Variants in LRMDA observed in about 807,000 individuals in gnomAD.
The protein encoded by LRMDA is leucine rich melanocyte differentiation associated, also known as leucine-rich melanocyte differentiation-associated protein.
In LRMDA, 18 loss-of-function variants were observed where a neutral mutation model predicts 29.8. The ratio of observed to expected loss-of-function variants is 0.60; its 90% CI spans 0.42 to 0.90. The LOEUF is 0.90. Ranked by LOEUF, LRMDA falls within the 40% of genes least tolerant of loss-of-function variation. LRMDA has a pLI of 0.00. For synonymous variants in LRMDA, 125 were observed against 109.4 expected, an observed-to-expected ratio of 1.14 and a Z score of -0.89; for missense variants, 273 against 273.9, an observed-to-expected ratio of 1.00 and a Z score of 0.02.
intron 2 of LRMDA, among the ~76,000 whole-genome samples, chr10:75,966,870 C>A (rs553146244): frequency 1.3e-5 from 2 of 152,320 alleles, no homozygotes; most frequent in South Asian, 4.1e-4. Flanking sequence ...TGAGATCAAA[C>A]AAGATAGGGA....
chr10:75,714,078 GA>G lies in LRMDA; in HGVS notation c.131+275587del, dbSNP rs1564547454. 2.0e-5 allele frequency among the ~76,000 whole-genome samples: 3 copies of G among 152,160 alleles called. No individual in the cohort carries two copies. The South Asian group carries it at 6.2e-4, about 32-fold the overall frequency. On this transcript the variant is annotated intron_variant, in intron 2 of 6. Coordinates refer to ENST00000611255, the MANE Select transcript of LRMDA (RefSeq NM_001305581.2). The stretch of plus-strand genomic sequence containing the variant: ...ATCTGAGGTAGGAACAGAGTTCTAA[GA>G]AATTTCAGCCCTAGAAGGCCCCCAG...
intron 6 of LRMDA, among the ~76,000 whole-genome samples, chr10:76,486,252 C>T (rs530445578): frequency 6.6e-6 from 1 of 151,962 alleles, no homozygotes; most frequent in South Asian, 2.1e-4. Flanking sequence ...TTCTGTTTTG[C>T]CTTCTGTAGG....
intron 6 of LRMDA, among the ~76,000 whole-genome samples, chr10:76,449,676 T>C (rs1387727903): frequency 1.3e-5 from 2 of 151,988 alleles, no homozygotes; most frequent in South Asian, 2.1e-4. Context: ...TTTCATCTTA[T>C]GTAGAGGTTT....
rs563880662 is a variant in LRMDA, at chr10:76,023,396, A to G, written c.132-12612A>G. Among the ~76,000 whole-genome samples, 10 of 152,274 alleles carry G rather than the reference A, an allele frequency of 6.6e-5. No individual in the cohort carries two copies. In the South Asian group the frequency reaches 2.1e-3, roughly 32 times the overall value. On this transcript the variant is annotated intron_variant, in intron 2 of 6. Coordinates refer to ENST00000611255, the MANE Select transcript of LRMDA (RefSeq NM_001305581.2). ...TTCCCCCAGATCGTTTTTATTAATC[A>G]GATTTCATACTTGAGGCTTGAAACA...
chr10:75,614,587 C>T (rs1294998459), intron 2 of LRMDA, among the ~76,000 whole-genome samples: 1 of 152,160 alleles, frequency 6.6e-6, no homozygotes, highest in Non-Finnish European at 1.5e-5. Context: ...GCTCCTCTAT[C>T]CCAGCCCAAC....
chr10:75,541,831 C>T (rs921631992), intron 2 of LRMDA, among the ~76,000 whole-genome samples: 37 of 148,984 alleles, frequency 2.5e-4, no homozygotes, highest in African/African-American at 8.7e-4. Flanking sequence ...TCATTTTTGC[C>T]TTGAACTGTC....
chr10:76,078,280 A>G (rs1008910397), intron 5 of LRMDA, among the ~76,000 whole-genome samples: 1 of 151,020 alleles, frequency 6.6e-6, no homozygotes, highest in East Asian at 2.0e-4. Context: ...AAGTGCTGGG[A>G]TTACAGACAT....
intron 2 of LRMDA, among the ~76,000 whole-genome samples, chr10:75,961,563 G>A: frequency 6.6e-6 from 1 of 152,182 alleles, no homozygotes; most frequent in East Asian, 1.9e-4. Context: ...TTGGAGTGAA[G>A]CCTGAAGCAT....
chr10:75,540,252 A>C (rs1840000293), intron 2 of LRMDA, among the ~76,000 whole-genome samples: 1 of 152,332 alleles, frequency 6.6e-6, no homozygotes, highest in South Asian at 2.1e-4. Context: ...GCTTGTGCAA[A>C]GGTTTGGGAA....
At chr10:75,768,893 G>C (rs1325416736) in intron 2 of LRMDA, among the ~76,000 whole-genome samples, 1 of 152,142 alleles carries the variant, frequency 6.6e-6, no homozygotes, top group African/African-American at 2.4e-5. Flanking sequence ...AATATAACTG[G>C]TCACCTAGAC....
chr10:75,618,664 A>G (rs1012453785), intron 2 of LRMDA, among the ~76,000 whole-genome samples: 5 of 150,436 alleles, frequency 3.3e-5, no homozygotes, highest in Non-Finnish European at 7.4e-5. Flanking sequence ...TACCAATAAC[A>G]TAAACAGTAG....
intron 5 of LRMDA, among the ~76,000 whole-genome samples, chr10:76,207,204 C>G (rs1336772614): frequency 6.6e-6 from 1 of 152,182 alleles, no homozygotes; most frequent in Admixed American, 6.5e-5. Flanking sequence ...GATCAAAACA[C>G]TTGCTCTGAA....
chr10:76,127,620 T>G (rs1490428121), intron 5 of LRMDA, among the ~76,000 whole-genome samples: 3 of 151,592 alleles, frequency 2.0e-5, no homozygotes, highest in African/African-American at 7.3e-5. Flanking sequence ...CAAGACTCAG[T>G]GTGTTTTAGT....
At chr10:75,932,028 G>A (rs1178224939) in intron 2 of LRMDA, among the ~76,000 whole-genome samples, 1 of 152,198 alleles carries the variant, frequency 6.6e-6, no homozygotes, top group Non-Finnish European at 1.5e-5. Flanking sequence ...TGCTGTTATT[G>A]TGAGAAAAGA....
intron 2 of LRMDA, among the ~76,000 whole-genome samples, chr10:75,541,329 G>A (rs572631672): frequency 1.3e-5 from 2 of 150,976 alleles, no homozygotes; most frequent in African/African-American, 2.4e-5. Flanking sequence ...ACAGGTCACC[G>A]TTTTGCCTCT....
chr10:76,006,048 G>A (rs1043878378), intron 2 of LRMDA, among the ~76,000 whole-genome samples: 5 of 152,180 alleles, frequency 3.3e-5, no homozygotes, highest in Non-Finnish European at 1.5e-5. Flanking sequence ...GGCTTGAAAT[G>A]GAGTCGCTGT....
chr10:76,277,213 G>A (rs1348260994), intron 5 of LRMDA, among the ~76,000 whole-genome samples: 1 of 152,044 alleles, frequency 6.6e-6, no homozygotes, highest in East Asian at 1.9e-4. Flanking sequence ...TGTATCAGAC[G>A]ACTCTGTGAT....
At chr10:75,636,777 C>T (rs1464081878) in intron 2 of LRMDA, among the ~76,000 whole-genome samples, 7 of 152,146 alleles carry the variant, frequency 4.6e-5, no homozygotes, top group Non-Finnish European at 1.0e-4. Context: ...TAAGAATTCA[C>T]CCTCTGTGGA....
At chr10:75,944,633 A>T (rs1310544186) in intron 2 of LRMDA, among the ~76,000 whole-genome samples, 1 of 151,234 alleles carries the variant, frequency 6.6e-6, no homozygotes, top group African/African-American at 2.4e-5. Flanking sequence ...TTCTGGTTAG[A>T]TAATTTCTAT....
Sources: allele counts gnomAD v4.1 joint callset (sites outside exome capture counted in the v4.1 genomes callset), GRCh38; gene constraint gnomAD v4.1.1; transcripts MANE v1.5; gene names NCBI Gene and HGNC (gene_info 2026-07-23, HGNC 2026-07-21).